RHOBTB2: variants seen among roughly 807,000 people sequenced by gnomAD.
The protein encoded by RHOBTB2 is rho-related BTB domain-containing protein 2.
RHOBTB2 carries 39 observed loss-of-function variants against 66.5 expected under a neutral mutation model. The ratio of observed to expected loss-of-function variants is 0.59; its 90% CI spans 0.45 to 0.77. The LOEUF is 0.77. Ranked by LOEUF, RHOBTB2 falls within the 30% of genes least tolerant of loss-of-function variation. The pLI is 0.00. For synonymous variants in RHOBTB2, 390 were observed against 395.0 expected (o/e 0.99, Z 0.15); for missense variants, 755 against 999.1 (o/e 0.76, Z 3.29).
At position 23,006,212 on chromosome 8, in the gene RHOBTB2, C is replaced by A; in HGVS notation, c.482+67C>A. The A allele has an allele frequency of 7.2e-7, 1 of 1,390,952 alleles. No individual in the cohort carries two copies. Among genetic ancestry groups the A allele is most frequent in the South Asian group, 1.3e-5 (1 of 79,890 alleles). The allele number at this position is 1,390,952 out of a possible 1,614,324, so 86.2% of individuals were successfully genotyped here. ...CCTCACCATGGCTCCCTGCTCAGCC[C>A]TGGGGGAATTCCACTGAGCCTCATA... On this transcript the variant is annotated intron_variant, in intron 4 of 9. Coordinates refer to ENST00000251822, the MANE Select transcript of RHOBTB2 (RefSeq NM_015178.3). The surrounding 1 kb of genome is among the most constrained non-coding windows in gnomAD (Gnocchi z 6.1).
intron 7 of RHOBTB2, 104 bp from the exon 8 acceptor site, chr8:23,014,586 G>A: frequency 9.6e-7 from 1 of 1,036,388 alleles, no homozygotes; most frequent in Non-Finnish European, 1.5e-6. Flanking sequence ...GACCTGCCCG[G>A]GCCCTGGTTT....
At chr8:22,983,384 C>T (rs1472011328), upstream of RHOBTB2, among the ~76,000 whole-genome samples, 2 of 149,338 alleles carry the variant, frequency 1.3e-5, no homozygotes, top group South Asian at 2.1e-4. Context: ...CAAGGCCAGG[C>T]ACATGCCTGT....
rs57836492 is a variant in RHOBTB2, at chr8:23,004,414, C to T, written c.-10-11C>T. 1,737 of 1,613,152 alleles carry T rather than the reference C, an allele frequency of 1.1e-3. 20 individuals carry two copies. In the African/African-American group the frequency reaches 0.02, roughly 19 times the overall value. On this transcript the variant is annotated splice_polypyrimidine_tract_variant and intron_variant, in intron 1 of 9. Coordinates refer to ENST00000251822, the MANE Select transcript of RHOBTB2 (RefSeq NM_015178.3). This position sits in a 1 kb window ranked among gnomAD's most constrained non-coding sequence, Gnocchi z 6.4. ...CCATGCCGTCCTGACCGCCTCCCTC[C>T]TCTCCCTCAGGTCCCGTTTAATGGA...
intron 2 of RHOBTB2, among the ~76,000 whole-genome samples, chr8:22,992,746 T>C (rs993538363): frequency 9.8e-5 from 15 of 152,374 alleles, no homozygotes; most frequent in Non-Finnish European, 4.4e-5. Flanking sequence ...ATTGGAGCTC[T>C]TGAAAGACAC....
Position 23,000,044 on chromosome 8 carries a change from G to A in RHOBTB2, c.-72G>A. On this transcript the variant is annotated 5_prime_UTR_variant, in exon 1 of 10. Coordinates refer to ENST00000251822, the MANE Select transcript of RHOBTB2 (RefSeq NM_015178.3). ...GACCCCTGACATTTCACTAAAATGAGCGTGCTCAGCAGGAAGAGATGTGTT... is the reference window on the plus strand; with the variant it reads ...GACCCCTGACATTTCACTAAAATGAACGTGCTCAGCAGGAAGAGATGTGTT... The A allele has an allele frequency of 1.0e-6, 1 of 985,526 alleles. No individual in the cohort carries two copies. The highest frequency in any genetic ancestry group is 1.2e-6 in the Non-Finnish European group (1 of 829,984). 61.0% of individuals were successfully genotyped at this position (985,526 alleles called of 1,614,324 possible).
rs1193993269 is a variant in RHOBTB2 at position 23,010,604 on chromosome 8, T to C, written c.1687T>C (p.Phe563Leu). 1.9e-6 allele frequency: 3 copies of C among 1,614,072 alleles called. No homozygotes were observed. The highest frequency in any genetic ancestry group is 1.3e-5 in the African/African-American group (1 of 74,916). ...AVLEYLYTGM[F>L]TSSPDLDDMK... ...GCTGGAATACCTCTACACCGGCATG[T>C]TCACCTCCAGCCCCGACCTGGATGA... is the stretch of plus-strand genomic sequence containing the variant. Residue 563 changes from phenylalanine to leucine, a missense_variant, in exon 7 of 10, where the codon TTC becomes CTC. Transcript: ENST00000251822.
chr8:22,995,099 T>A (rs28521188), upstream of RHOBTB2, among the ~76,000 whole-genome samples: 22,865 of 151,898 alleles, frequency 0.15, 2,958 homozygotes, highest in African/African-American at 0.35. Context: ...TTATCTTTTT[T>A]AAAAATTTTT....
At chr8:22,980,532 T>C in the RHOBTB2 span, among the ~76,000 whole-genome samples, 1 of 152,214 alleles carries the variant, frequency 6.6e-6, no homozygotes, top group Non-Finnish European at 1.5e-5. Flanking sequence ...ATTAGAATAT[T>C]TATGAAGATA....
At chr8:22,963,199 A>G in the RHOBTB2 span, among the ~76,000 whole-genome samples, 1 of 152,236 alleles carries the variant, frequency 6.6e-6, no homozygotes, top group Non-Finnish European at 1.5e-5. Context: ...AATTAAGATC[A>G]CCATGGGAAA....
At chr8:22,958,351 A>G in the RHOBTB2 span, among the ~76,000 whole-genome samples, 1 of 152,226 alleles carries the variant, frequency 6.6e-6, no homozygotes, top group African/African-American at 2.4e-5. Context: ...AACAGGGTCA[A>G]CATGAACTTT....
the RHOBTB2 span, among the ~76,000 whole-genome samples, chr8:22,981,188 G>GT: frequency 6.6e-6 from 1 of 152,170 alleles, no homozygotes; most frequent in African/African-American, 2.4e-5. Context: ...ATTTCCTGTT[G>GT]TAAAGCAAGT....
intron 8 of RHOBTB2, among the ~76,000 whole-genome samples, chr8:23,015,317 GAA>G (rs1332948469): frequency 6.6e-6 from 1 of 152,192 alleles, no homozygotes; most frequent in African/African-American, 2.4e-5. Flanking sequence ...GGAGGAGAGA[GAA>G]GTCAGGTAGG....
chr8:22,972,971 C>T, the RHOBTB2 span, among the ~76,000 whole-genome samples: 1 of 152,220 alleles, frequency 6.6e-6, no homozygotes, highest in African/African-American at 2.4e-5. Flanking sequence ...CCACCAGGCC[C>T]CTGCGCCTTT....
the RHOBTB2 span, among the ~76,000 whole-genome samples, chr8:22,974,682 A>C: frequency 6.6e-6 from 1 of 152,170 alleles, no homozygotes; most frequent in African/African-American, 2.4e-5. Flanking sequence ...TAGAGAGTTT[A>C]ATTGGCCATC....
chr8:23,013,826 C>T (rs899491710), intron 7 of RHOBTB2, among the ~76,000 whole-genome samples: 2 of 152,154 alleles, frequency 1.3e-5, no homozygotes, highest in African/African-American at 4.8e-5. Context: ...TTATTATGGC[C>T]CCTTAGATTT....
At chr8:22,966,167 G>A in the RHOBTB2 span, among the ~76,000 whole-genome samples, 6 of 151,456 alleles carry the variant, frequency 4.0e-5, no homozygotes, top group East Asian at 3.9e-4. Context: ...CCTGGTCAAA[G>A]TAGGGAAACC....
chr8:23,015,982 A>G (rs927150815), intron 9 of RHOBTB2, among the ~76,000 whole-genome samples: 3 of 152,234 alleles, frequency 2.0e-5, no homozygotes, highest in Non-Finnish European at 4.4e-5. Context: ...ATACTGGACT[A>G]AAGTTGGTAG....
chr8:22,998,248 G>T (rs756485800), upstream of RHOBTB2, among the ~76,000 whole-genome samples: 3 of 152,212 alleles, frequency 2.0e-5, no homozygotes, highest in Non-Finnish European at 4.4e-5. Flanking sequence ...TCTTTTGGCA[G>T]TAAATTTCTC....
chr8:22,956,006 G>A, the RHOBTB2 span, among the ~76,000 whole-genome samples: 1 of 152,180 alleles, frequency 6.6e-6, no homozygotes, highest in Non-Finnish European at 1.5e-5. Context: ...AGGGCTCTGG[G>A]ACCCTACCTA....
Sources: allele counts gnomAD v4.1 joint callset (sites outside exome capture counted in the v4.1 genomes callset), GRCh38; gene constraint gnomAD v4.1.1; non-coding constraint Gnocchi (gnomAD v3.1); transcripts MANE v1.5; gene names NCBI Gene and HGNC (gene_info 2026-07-23, HGNC 2026-07-21).